Variants in SLCO1B1 observed in about 807,000 individuals in gnomAD.
SLCO1B1 encodes solute carrier organic anion transporter family member 1B1.
In SLCO1B1, 81 loss-of-function variants were observed where a neutral mutation model predicts 70.1. That is an observed-to-expected ratio of 1.16 (90% CI 0.97 to 1.39). SLCO1B1 has a LOEUF of 1.39. SLCO1B1 is among the 40% of genes most tolerant of loss of function. The pLI is 0.00. For missense variants in SLCO1B1, 895 were observed against 799.6 expected, an observed-to-expected ratio of 1.12 and a Z score of -1.44; for synonymous variants, 283 against 271.5, an observed-to-expected ratio of 1.04 and a Z score of -0.42.
intron 8 of SLCO1B1, among the ~76,000 whole-genome samples, chr12:21,197,698 A>AT (rs1274149578): frequency 6.6e-6 from 1 of 152,008 alleles, no homozygotes; most frequent in Admixed American, 6.6e-5. Context: ...GTAGAGATGG[A>AT]TTAAGGAGAA....
intron 14 of SLCO1B1, among the ~76,000 whole-genome samples, chr12:21,233,771 G>A (rs930075754): frequency 2.6e-5 from 4 of 152,144 alleles, no homozygotes; most frequent in Admixed American, 2.0e-4. Flanking sequence ...TGCACATTGG[G>A]TCAGCAGCAC....
chr12:21,228,198 T>C (rs1207438738), intron 14 of SLCO1B1, among the ~76,000 whole-genome samples: 1 of 152,188 alleles, frequency 6.6e-6, no homozygotes, highest in Non-Finnish European at 1.5e-5. Context: ...ATTTTCCTTC[T>C]GATTAAAGTC....
rs561488237 is a variant in SLCO1B1 at position 21,214,149 on chromosome 12, A to G, written c.1498-2970A>G. 2.6e-5 allele frequency among the ~76,000 whole-genome samples: 4 copies of G among 152,108 alleles called. No individual in the cohort carries two copies. In the South Asian group the frequency reaches 8.3e-4, roughly 32 times the overall value. On this transcript the variant is annotated intron_variant, in intron 11 of 14. Coordinates refer to ENST00000256958, the MANE Select transcript of SLCO1B1 (RefSeq NM_006446.5). The stretch of plus-strand genomic sequence containing the variant: ...GGAGGAGAGGTGCTCTGCTTTCTAT[A>G]GTTTCCAGTTTTTCTGTTCTGTTTT...
chr12:21,134,990 T>G (rs1381008239), intron 1 of SLCO1B1, among the ~76,000 whole-genome samples: 1 of 152,242 alleles, frequency 6.6e-6, no homozygotes, highest in Non-Finnish European at 1.5e-5. Flanking sequence ...AATTTCCCTC[T>G]ACACACTGCT....
chr12:21,140,873 T>A (rs1940298596), intron 1 of SLCO1B1, among the ~76,000 whole-genome samples: 2 of 151,952 alleles, frequency 1.3e-5, no homozygotes, highest in Non-Finnish European at 2.9e-5. Flanking sequence ...CTATATGCAT[T>A]TTCTCTTGGA....
At chr12:21,176,986 A>C in intron 5 of SLCO1B1, 89 bp downstream of exon 5, 1 of 991,974 alleles carries the variant, frequency 1.0e-6, no homozygotes, top group Admixed American at 1.8e-5. Context: ...CATTAGCAAA[A>C]TTTAATTAAG....
At chr12:21,210,546 G>A (rs1941270772) in intron 11 of SLCO1B1, among the ~76,000 whole-genome samples, 1 of 137,456 alleles carries the variant, frequency 7.3e-6, no homozygotes, top group South Asian at 2.3e-4. Context: ...GGCGATGTGG[G>A]CTCTTTTTTG....
chr12:21,165,308 T>G (rs936096308), intron 2 of SLCO1B1, among the ~76,000 whole-genome samples: 5 of 152,106 alleles, frequency 3.3e-5, no homozygotes, highest in Non-Finnish European at 7.4e-5. Context: ...TTAGAACATA[T>G]AGCTGGAGAC....
chr12:21,213,953 G>A (rs1208357882), intron 11 of SLCO1B1, among the ~76,000 whole-genome samples: 1 of 149,538 alleles, frequency 6.7e-6, no homozygotes, highest in African/African-American at 2.5e-5. Context: ...GGTTATTCTA[G>A]TTATACATTC....
chr12:21,237,072 CTATT>C (rs1284319103), intron 14 of SLCO1B1, among the ~76,000 whole-genome samples: 1 of 152,078 alleles, frequency 6.6e-6, no homozygotes, highest in Non-Finnish European at 1.5e-5. Flanking sequence ...TTACTATTGT[CTATT>C]TGTTATACTT....
In SLCO1B1 at chr12:21,213,896, G is replaced by A. The variant is rs957728423; in HGVS notation, c.1498-3223G>A. On this transcript the variant is annotated intron_variant, in intron 11 of 14. Transcript: ENST00000256958. ...TCTGCATTCTCCACGTAGTTCTCGA[G>A]CCTTGGTTTTCAGCTCCATCAGCTC... Among the ~76,000 whole-genome samples, 1,123 of 149,714 alleles carry A rather than the reference G, an allele frequency of 7.5e-3. 14 individuals are homozygous for A. The highest frequency in any genetic ancestry group is 0.026 in the African/African-American group (1,040 of 40,672).
At position 21,174,600 on chromosome 12, in the gene SLCO1B1, G is replaced by A. The variant is rs750031541; in HGVS notation, c.250G>A (p.Val84Met). The change falls in exon 4 of 15, where the codon GTG (valine) becomes ATG (methionine). Residue 84 changes from valine to methionine, a missense_variant. Transcript: ENST00000256958. ...EIGNLLVIVF[V>M]SYFGSKLHRP... is the part of the protein sequence containing the mutation. ...AGGAAATTTGCTTGTGATTGTATTT[G>A]TGAGTTACTTTGGATCCAAACTACA... 6.2e-7 allele frequency: 1 copy of A among 1,613,250 alleles called. No individual in the cohort carries two copies. The highest frequency in any genetic ancestry group is 1.1e-5 in the South Asian group (1 of 91,046).
chr12:21,172,974 A>G (rs1940774621), intron 3 of SLCO1B1, among the ~76,000 whole-genome samples, 183 bp downstream of exon 3: 1 of 152,230 alleles, frequency 6.6e-6, no homozygotes, highest in African/African-American at 2.4e-5. Context: ...ACTGGTATCT[A>G]AAGGTAGAGG....
rs1473722189 is a variant in SLCO1B1 at position 21,214,409 on chromosome 12, G to C, written c.1498-2710G>C. ...GGTCAGGGACCCACTTGAGGAGGCA[G>C]TGTGCCCGTTCTCAGATCTCCAGCT... On this transcript the variant is annotated intron_variant, in intron 11 of 14. Coordinates refer to ENST00000256958, the MANE Select transcript of SLCO1B1 (RefSeq NM_006446.5). Among the ~76,000 whole-genome samples, 22 of 148,786 alleles carry C rather than the reference G, an allele frequency of 1.5e-4. 2 individuals are homozygous for C. Among genetic ancestry groups the C allele is most frequent in the African/African-American group, 5.3e-4 (21 of 39,542 alleles).
chr12:21,178,397 A>G (rs556151536), intron 5 of SLCO1B1, among the ~76,000 whole-genome samples, 179 bp from the exon 6 acceptor site: 34 of 152,304 alleles, frequency 2.2e-4, no homozygotes, highest in African/African-American at 8.2e-4. Context: ...TGTATTTATT[A>G]GCAGCATAAG....
Position 21,200,564 on chromosome 12 carries a change from C to T in SLCO1B1, c.1027C>T (p.Leu343Phe). The T allele has an allele frequency of 6.2e-7, 1 of 1,606,712 alleles. No homozygotes were observed. The highest frequency in any genetic ancestry group is 8.5e-7 in the Non-Finnish European group (1 of 1,175,456). ...LTNPLYVMFV[L>F]LTLLQVSSYI... ...TAATCCCCTGTATGTTATGTTTGTG[C>T]TTTTGACGTTGTTACAAGTAAGCAG... Residue 343 changes from leucine (L) to phenylalanine (F), a missense_variant, in exon 9 of 15, where the codon CTT becomes TTT. By Grantham distance (22) the Leu-to-Phe change is conservative. Coordinates refer to ENST00000256958, the MANE Select transcript of SLCO1B1 (RefSeq NM_006446.5).
Position 21,239,064 on chromosome 12 carries a change from T to A in SLCO1B1, c.1951T>A (p.Tyr651Asn). The change falls in exon 15 of 15, where the codon TAT becomes AAT. Residue 651 changes from tyrosine to asparagine, a missense_variant. By Grantham distance (143) the Tyr-to-Asn change is moderately radical. Transcript: ENST00000256958. ...ATTAATTTATGCCATGAAGAAAAAA[T>A]ATCAAGAGAAAGATATCAATGCATC... The part of the protein sequence containing the change: ...IILIYAMKKK[Y>N]QEKDINASEN... 6.3e-7 allele frequency: 1 copy of A among 1,595,838 alleles called. No individual in the cohort carries two copies.
At chr12:21,156,163 T>A (rs994739940) in intron 2 of SLCO1B1, among the ~76,000 whole-genome samples, 1 of 152,124 alleles carries the variant, frequency 6.6e-6, no homozygotes, top group Non-Finnish European at 1.5e-5. Flanking sequence ...GGTTTGTGAT[T>A]TCATAATGGA....
chr12:21,180,083 A>G (rs1380108428), intron 7 of SLCO1B1, among the ~76,000 whole-genome samples: 1 of 152,098 alleles, frequency 6.6e-6, no homozygotes, highest in Non-Finnish European at 1.5e-5. Flanking sequence ...GCGTTAATTG[A>G]TATTTCCAGT....
Sources: gnomAD v4.1 joint callset for allele counts (sites outside exome capture counted in the v4.1 genomes callset) on GRCh38, gnomAD v4.1.1 for gene constraint, MANE v1.5 for transcripts, NCBI Gene and HGNC (gene_info 2026-07-23, HGNC 2026-07-21) for gene names.